HHIPL1: variants seen among roughly 807,000 people sequenced by gnomAD.
The protein encoded by HHIPL1 is HHIP-like protein 1.
A neutral mutation model predicts 61.8 loss-of-function variants in HHIPL1; 43 were observed. That is an observed-to-expected ratio of 0.70 (90% CI 0.55 to 0.90). HHIPL1 has a LOEUF of 0.90. Ranked by LOEUF, HHIPL1 falls within the 40% of genes least tolerant of loss-of-function variation. HHIPL1 has a pLI of 0.00. For synonymous variants in HHIPL1, 482 were observed against 515.8 expected (o/e 0.93, Z 0.89); for missense variants, 1,056 against 1,157.7 (o/e 0.91, Z 1.28).
At position 99,668,716 on chromosome 14, in the gene HHIPL1, C is replaced by G. The variant is rs950514369; in HGVS notation, c.1730+413C>G. 8.7e-7 allele frequency: 1 copy of G among 1,155,736 alleles called. No individual in the cohort carries two copies. Among genetic ancestry groups the G allele is most frequent in the African/African-American group, 1.5e-5 (1 of 65,500 alleles). 71.6% of individuals were successfully genotyped at this position (1,155,736 alleles called of 1,614,324 possible). ...TCTGTGATGCCTCCCAGATGACACC[C>G]TGATCCCTGTGTGTCCCCGCCCCGT... On this transcript the variant is annotated intron_variant, in intron 7 of 8. Coordinates refer to ENST00000330710, the MANE Select transcript of HHIPL1 (RefSeq NM_001127258.3). This position sits in a 1 kb window ranked among gnomAD's most constrained non-coding sequence, Gnocchi z 4.7.
intron 7 of HHIPL1, among the ~76,000 whole-genome samples, chr14:99,670,978 A>G (rs903150612): frequency 6.6e-6 from 1 of 152,002 alleles, no homozygotes; most frequent in East Asian, 1.9e-4. Context: ...CCGTTTCCCT[A>G]TTGGCTTGTT....
At chr14:99,662,416 C>T (rs993103481) in intron 5 of HHIPL1, among the ~76,000 whole-genome samples, 2 of 152,218 alleles carry the variant, frequency 1.3e-5, no homozygotes, top group African/African-American at 4.8e-5. Flanking sequence ...CCAGTGAGCT[C>T]TTGAAAGCGC....
chr14:99,632,995 AC>A, the HHIPL1 span, among the ~76,000 whole-genome samples: 1 of 102,584 alleles, frequency 9.7e-6, no homozygotes, highest in African/African-American at 3.8e-5. Flanking sequence ...TGAGACTCAG[AC>A]CCATCTGGGC....
At position 99,652,761 on chromosome 14, in the gene HHIPL1, A is replaced by G; in HGVS notation, c.793A>G (p.Arg265Gly). 1.2e-6 allele frequency: 2 copies of G among 1,614,032 alleles called. No homozygotes were observed. The highest frequency in any genetic ancestry group is 1.7e-6 in the Non-Finnish European group (2 of 1,180,030). Residue 265 changes from arginine (R) to glycine (G), a missense_variant, in exon 2 of 9, where the codon AGG becomes GGG. By Grantham distance (125) the Arg-to-Gly change is moderately radical (BLOSUM62 -2). Coordinates refer to ENST00000330710, the MANE Select transcript of HHIPL1 (RefSeq NM_001127258.3). ...CCACCCCAGCTTCCAGCACAACCGC[A>G]GGCTCTACGTCTACTACTCAGTGGG... ...AFHPSFQHNR[R>G]LYVYYSVGIR...
At chr14:99,605,394 G>A in the HHIPL1 span, among the ~76,000 whole-genome samples, 1 of 151,052 alleles carries the variant, frequency 6.6e-6, no homozygotes, top group Admixed American at 6.6e-5. Context: ...GGGCGGGGGG[G>A]GGTCCCTCCC....
chr14:99,648,381 C>A (rs1248166211), intron 1 of HHIPL1, among the ~76,000 whole-genome samples: 2 of 152,134 alleles, frequency 1.3e-5, no homozygotes, highest in East Asian at 3.9e-4. Flanking sequence ...AGGAGCTTGC[C>A]CACGGTTAAG....
chr14:99,631,257 C>T, the HHIPL1 span, among the ~76,000 whole-genome samples: 48 of 151,934 alleles, frequency 3.2e-4, no homozygotes, highest in Non-Finnish European at 2.2e-4. Flanking sequence ...CCACCATACC[C>T]GGCTAAGTTT....
rs759273355 is a variant in HHIPL1 at position 99,652,645 on chromosome 14, C to A, written c.677C>A (p.Ser226Ter). The A allele has an allele frequency of 2.5e-6, 4 of 1,613,428 alleles. No individual in the cohort carries two copies. The highest frequency in any genetic ancestry group is 1.3e-5 in the African/African-American group (1 of 74,942). The change falls in exon 2 of 9, where the codon TCG becomes TAG. Residue 226 changes from serine (S) to a stop codon, truncating the protein, a stop_gained. Coordinates refer to ENST00000330710, the MANE Select transcript of HHIPL1 (RefSeq NM_001127258.3). LOFTEE classifies it high-confidence loss of function. ...GTGTGGGCCTACCTGCCCGACCGCT[C>A]GAGGCTGGGGAAGCCTTTCCTGAAC... is the stretch of plus-strand genomic sequence containing the variant. ...GLVWAYLPDR[S>*]RLGKPFLNIS...
At chr14:99,646,343 C>CGTGTCCCA (rs1270300587) in intron 1 of HHIPL1, among the ~76,000 whole-genome samples, 1 of 152,260 alleles carries the variant, frequency 6.6e-6, no homozygotes, top group Non-Finnish European at 1.5e-5. Context: ...GGGCCAGGGC[C>CGTGTCCCA]GTGTCCCAGC....
At position 99,668,206 on chromosome 14, in the gene HHIPL1, T is replaced by A. The variant is rs376137330; in HGVS notation, c.1649-16T>A. ...TCCAGGTGGGGGTCTCACTAGTCAC[T>A]TTGTTCTGTCCAAAGGGGAGCTGTA... On this transcript the variant is annotated splice_polypyrimidine_tract_variant and intron_variant, in intron 6 of 8. Transcript: ENST00000330710. This position sits in a 1 kb window ranked among gnomAD's most constrained non-coding sequence, Gnocchi z 4.7. 1.1e-5 allele frequency: 18 copies of A among 1,566,746 alleles called. No homozygotes were observed. The African/African-American group carries it at 2.4e-4, about 21-fold the overall frequency.
chr14:99,650,512 G>T (rs934188123), intron 1 of HHIPL1, among the ~76,000 whole-genome samples: 2 of 152,224 alleles, frequency 1.3e-5, no homozygotes, highest in African/African-American at 2.4e-5. Context: ...TGCAGGGAGG[G>T]TGCTGTGGTG....
chr14:99,626,967 CA>C, the HHIPL1 span, among the ~76,000 whole-genome samples: 1 of 152,196 alleles, frequency 6.6e-6, no homozygotes, highest in Non-Finnish European at 1.5e-5. Context: ...TGGCTCAGGA[CA>C]GGGGGAGCAC....
chr14:99,674,186 G>A (rs745472464), intron 8 of HHIPL1, among the ~76,000 whole-genome samples: 11 of 152,042 alleles, frequency 7.2e-5, no homozygotes, highest in Non-Finnish European at 1.3e-4. Flanking sequence ...GGATTAAAGA[G>A]GTTTGGCCTG....
Position 99,668,531 on chromosome 14 carries a change from T to C in HHIPL1, c.1730+228T>C, listed in dbSNP as rs115009365. On this transcript the variant is annotated intron_variant, in intron 7 of 8. Coordinates refer to ENST00000330710, the MANE Select transcript of HHIPL1 (RefSeq NM_001127258.3). This position sits in a 1 kb window ranked among gnomAD's most constrained non-coding sequence, Gnocchi z 4.7. ...GCCTCAAAGCACAGGTCTATTAGGA[T>C]AGGAGGGAGCTGGAGAGGTGACTGG... 2.0e-5 allele frequency among the ~76,000 whole-genome samples: 3 copies of C among 152,232 alleles called. No individual in the cohort carries two copies. The highest frequency in any genetic ancestry group is 7.2e-5 in the African/African-American group (3 of 41,542).
the HHIPL1 span, among the ~76,000 whole-genome samples, chr14:99,606,844 AC>A: frequency 6.6e-6 from 1 of 151,988 alleles, no homozygotes; most frequent in Non-Finnish European, 1.5e-5. Flanking sequence ...ACAGGACAGG[AC>A]CAGAGGAGGT....
intron 1 of HHIPL1, among the ~76,000 whole-genome samples, 156 bp downstream of exon 1, chr14:99,645,618 C>T (rs10149871): frequency 0.36 from 54,457 of 152,148 alleles, 10,498 homozygotes; most frequent in South Asian, 0.49. Flanking sequence ...GCGGGGAGAC[C>T]GCGCATCCCA....
chr14:99,656,787 A>AAAGAAAG (rs1566809708), intron 2 of HHIPL1, among the ~76,000 whole-genome samples: 1 of 20,416 alleles, frequency 4.9e-5, no homozygotes, highest in Non-Finnish European at 1.4e-4. Context: ...AAAAGAAAAG[A>AAAGAAAG]AAAGAAAGAA....
In HHIPL1 at chr14:99,672,409, TG is replaced by T; in HGVS notation, c.1813+11del. The T allele has an allele frequency of 6.5e-7, 1 of 1,548,482 alleles. No homozygotes were observed. The highest frequency in any genetic ancestry group is 1.2e-5 in the South Asian group (1 of 84,018). On this transcript the variant is annotated intron_variant, in intron 8 of 8. Coordinates refer to ENST00000330710, the MANE Select transcript of HHIPL1 (RefSeq NM_001127258.3). Reference sequence around the variant, plus strand: ...TTTGTGCCCAAAGAAAGTAAGTGCCTGCCAGTGGGACACTGAGGGTTGGGGG... The same window carrying T: ...TTTGTGCCCAAAGAAAGTAAGTGCCTCCAGTGGGACACTGAGGGTTGGGGG...
chr14:99,662,862 A>G lies in HHIPL1; in HGVS notation c.1503-14A>G. The G allele has an allele frequency of 5.1e-6, 8 of 1,574,332 alleles. No individual in the cohort carries two copies. The highest frequency in any genetic ancestry group is 6.9e-6 in the Non-Finnish European group (8 of 1,162,378). On this transcript the variant is annotated splice_polypyrimidine_tract_variant and intron_variant, in intron 5 of 8. Coordinates refer to ENST00000330710, the MANE Select transcript of HHIPL1 (RefSeq NM_001127258.3). Reference sequence around the variant, plus strand: ...CATGCCAGGCATGGCCTCACAGCTCATCTTCCTTTGCAGGCGTCTGATGTC... The same window carrying G: ...CATGCCAGGCATGGCCTCACAGCTCGTCTTCCTTTGCAGGCGTCTGATGTC...
Sources: gnomAD v4.1 joint callset for allele counts (sites outside exome capture counted in the v4.1 genomes callset) on GRCh38, gnomAD v4.1.1 for gene constraint, Gnocchi (gnomAD v3.1) non-coding constraint, MANE v1.5 for transcripts, NCBI Gene and HGNC (gene_info 2026-07-23, HGNC 2026-07-21) for gene names.